LRRC4C: variants seen among roughly 807,000 people sequenced by gnomAD.
LRRC4C encodes the protein leucine rich repeat containing 4C, also known as leucine-rich repeat-containing protein 4C.
A neutral mutation model predicts 33.6 loss-of-function variants in LRRC4C; 5 were observed. The observed-to-expected ratio is 0.15, with a 90% confidence interval of 0.08 to 0.31. The LOEUF (loss-of-function observed/expected upper bound fraction) is 0.31. Among genes scored for constraint, LRRC4C ranks in the 10% least tolerant of loss-of-function variants. The pLI is 1.00. For missense variants in LRRC4C, 560 were observed against 796.7 expected, an observed-to-expected ratio of 0.70 and a Z score of 3.58; for synonymous variants, 329 against 302.0, an observed-to-expected ratio of 1.09 and a Z score of -0.93.
chr11:41,341,995 T>C (rs1951655566), intron 1 of LRRC4C, among the ~76,000 whole-genome samples: 1 of 152,210 alleles, frequency 6.6e-6, no homozygotes, highest in Admixed American at 6.5e-5. Flanking sequence ...TAGAGAGTCA[T>C]CTTGACCTAA....
At chr11:40,147,083 T>C (rs1281007708) in intron 5 of LRRC4C, among the ~76,000 whole-genome samples, 1 of 152,148 alleles carries the variant, frequency 6.6e-6, no homozygotes, top group African/African-American at 2.4e-5. Flanking sequence ...ACCAAAGCAG[T>C]TGGGAATTAT....
At chr11:41,193,756 T>C (rs1319642986) in intron 1 of LRRC4C, among the ~76,000 whole-genome samples, 1 of 152,034 alleles carries the variant, frequency 6.6e-6, no homozygotes, top group African/African-American at 2.4e-5. Context: ...AGAAAACAAG[T>C]TGACATTAGT....
intron 5 of LRRC4C, among the ~76,000 whole-genome samples, chr11:40,151,361 A>G (rs1858191415): frequency 1.3e-5 from 2 of 152,212 alleles, no homozygotes; most frequent in South Asian, 4.1e-4. Context: ...GAGCCCAATT[A>G]TACAGCAATT....
rs902077457 is a variant in LRRC4C at position 41,334,641 on chromosome 11, G to A, written c.-496+124790C>T. Among the ~76,000 whole-genome samples the A allele has an allele frequency of 2.6e-5, 4 of 151,902 alleles. No individual in the cohort carries two copies. The East Asian group carries it at 7.7e-4, about 29-fold the overall frequency. Reference sequence around the variant, plus strand: ...GAGGCCAGGAATTTGAAAACAGTCCGGGTAAAAAGTGAGACCCTCTCTCTG... The same window carrying A: ...GAGGCCAGGAATTTGAAAACAGTCCAGGTAAAAAGTGAGACCCTCTCTCTG... On this transcript the variant is annotated intron_variant, in intron 1 of 6. Coordinates refer to ENST00000528697, the MANE Select transcript of LRRC4C (RefSeq NM_001258419.2).
At chr11:41,427,296 C>T (rs1243515229) in intron 1 of LRRC4C, among the ~76,000 whole-genome samples, 1 of 151,890 alleles carries the variant, frequency 6.6e-6, no homozygotes, top group Non-Finnish European at 1.5e-5. Context: ...TTTAAGTATC[C>T]ACTCTTTGCC....
At chr11:40,604,271 T>C (rs537463145) in intron 3 of LRRC4C, among the ~76,000 whole-genome samples, 3 of 152,172 alleles carry the variant, frequency 2.0e-5, no homozygotes, top group Admixed American at 6.5e-5. Flanking sequence ...ATTCCTCCTA[T>C]CTTCTCTTCT....
chr11:41,323,130 G>A (rs1951006413), intron 1 of LRRC4C, among the ~76,000 whole-genome samples: 1 of 152,092 alleles, frequency 6.6e-6, no homozygotes, highest in South Asian at 2.1e-4. Context: ...CCAAAGTGTG[G>A]AAAGTGTCCT....
chr11:40,229,928 T>C (rs988089973), intron 5 of LRRC4C, among the ~76,000 whole-genome samples: 2 of 152,222 alleles, frequency 1.3e-5, no homozygotes, highest in Non-Finnish European at 2.9e-5. Flanking sequence ...TAATTTATGA[T>C]ATCTTTTATT....
At chr11:40,589,883 C>T (rs1429484317) in intron 3 of LRRC4C, among the ~76,000 whole-genome samples, 5 of 149,198 alleles carry the variant, frequency 3.4e-5, no homozygotes, top group African/African-American at 4.9e-5. Flanking sequence ...GAGGGTAACC[C>T]GACCTTTCTC....
At chr11:40,677,223 T>G (rs535121855) in intron 2 of LRRC4C, among the ~76,000 whole-genome samples, 24 of 152,134 alleles carry the variant, frequency 1.6e-4, no homozygotes, top group Middle Eastern at 3.4e-3. Context: ...CTGTCCCTAC[T>G]AAAAATACAA....
chr11:40,515,334 A>G (rs1249338077), intron 3 of LRRC4C, among the ~76,000 whole-genome samples: 2 of 152,110 alleles, frequency 1.3e-5, no homozygotes, highest in Non-Finnish European at 2.9e-5. Context: ...CAGAATTTTT[A>G]GTTTACTAAT....
chr11:41,034,607 GTATATATATA>G lies in LRRC4C; in HGVS notation c.-495-100894_-495-100885del, dbSNP rs59350888. Among the ~76,000 whole-genome samples, 452 of 97,060 alleles carry G rather than the reference GTATATATATA, an allele frequency of 4.7e-3. 3 individuals are homozygous for G. Among genetic ancestry groups the G allele is most frequent in the African/African-American group, 0.011 (284 of 26,646 alleles). 63.7% of individuals were successfully genotyped at this position (97,060 alleles called of 152,430 possible). A position where few individuals can be genotyped will look rare whatever the true frequency, so the allele number is the denominator to read the frequency against. ...TGTTTTTCTAAAAAAATATGGTGAC[GTATATATATA>G]TATATATATATATATATATATGAGG... is the stretch of plus-strand genomic sequence containing the variant. On this transcript the variant is annotated intron_variant, in intron 1 of 6. Transcript: ENST00000528697.
At chr11:41,066,288 G>A (rs552501740) in intron 1 of LRRC4C, among the ~76,000 whole-genome samples, 11 of 152,200 alleles carry the variant, frequency 7.2e-5, no homozygotes, top group South Asian at 4.1e-4. Context: ...ATCAATAGCC[G>A]AATTAATCAA....
chr11:40,984,419 A>AAGAAAGAAAG (rs1852837349), intron 1 of LRRC4C, among the ~76,000 whole-genome samples: 1 of 116,444 alleles, frequency 8.6e-6, no homozygotes, highest in African/African-American at 3.2e-5. Context: ...AAGAAAGAGA[A>AAGAAAGAAAG]AGAAAGAAAG....
intron 1 of LRRC4C, among the ~76,000 whole-genome samples, chr11:41,382,526 G>T (rs1324401151): frequency 1.3e-5 from 2 of 151,862 alleles, no homozygotes; most frequent in East Asian, 1.9e-4. Context: ...GAAAATAATA[G>T]GTTTTCAATA....
intron 3 of LRRC4C, among the ~76,000 whole-genome samples, chr11:40,630,369 T>C (rs368769006): frequency 2.9e-5 from 3 of 105,196 alleles, no homozygotes; most frequent in Non-Finnish European, 4.1e-5. Context: ...CTTCTTCTTC[T>C]TCTTCTTCTT....
chr11:40,632,989 C>T (rs1963594995), intron 3 of LRRC4C, among the ~76,000 whole-genome samples: 1 of 152,086 alleles, frequency 6.6e-6, no homozygotes, highest in East Asian at 1.9e-4. Flanking sequence ...AAATGTAATC[C>T]CTTTATCTTT....
chr11:41,127,674 T>G (rs1437146864), intron 1 of LRRC4C, among the ~76,000 whole-genome samples: 1 of 152,114 alleles, frequency 6.6e-6, no homozygotes, highest in Non-Finnish European at 1.5e-5. Flanking sequence ...AACAGAAGTT[T>G]CCTATGTTAT....
At chr11:40,837,837 T>C (rs1952741687) in intron 2 of LRRC4C, among the ~76,000 whole-genome samples, 1 of 149,968 alleles carries the variant, frequency 6.7e-6, no homozygotes, top group South Asian at 2.1e-4. Context: ...GTGACAGAGA[T>C]CCCATCTCAG....
Sources: allele counts gnomAD v4.1 joint callset (sites outside exome capture counted in the v4.1 genomes callset), GRCh38; gene constraint gnomAD v4.1.1; transcripts MANE v1.5; gene names NCBI Gene and HGNC (gene_info 2026-07-23, HGNC 2026-07-21).